The following TWSG1 variants were observed in gnomAD, a reference collection of about 807,000 sequenced individuals.
TWSG1 encodes twisted gastrulation BMP signaling modulator 1.
Under a neutral mutation model 23.0 loss-of-function variants are expected in TWSG1, and 15 were observed. That is an observed-to-expected ratio of 0.65 (90% CI 0.44 to 1.00). The LOEUF is 1.00. Among genes scored for constraint, TWSG1 ranks in the 50% least tolerant of loss-of-function variants. The pLI, the probability that TWSG1 is intolerant of heterozygous loss-of-function variation, is 0.00. For synonymous variants in TWSG1, 86 were observed against 92.8 expected (o/e 0.93, Z 0.42); for missense variants, 242 against 278.7 (o/e 0.87, Z 0.94).
chr18:9,344,281 T>A (rs1309181814), intron 2 of TWSG1, among the ~76,000 whole-genome samples: 1 of 152,208 alleles, frequency 6.6e-6, no homozygotes, highest in African/African-American at 2.4e-5. Context: ...ACTCTGTGTT[T>A]AACATTTTGA....
chr18:9,338,533 A>C (rs749370568), intron 2 of TWSG1, among the ~76,000 whole-genome samples: 1 of 152,204 alleles, frequency 6.6e-6, no homozygotes, highest in Non-Finnish European at 1.5e-5. Context: ...TGTTTTGTTG[A>C]TAATTCTAAT....
chr18:9,345,660 G>T (rs1164981134), intron 2 of TWSG1, among the ~76,000 whole-genome samples: 1 of 152,000 alleles, frequency 6.6e-6, no homozygotes, highest in Non-Finnish European at 1.5e-5. Flanking sequence ...ATGTAGTTTT[G>T]TAGTATGTTT....
intron 3 of TWSG1, among the ~76,000 whole-genome samples, chr18:9,393,247 T>G (rs1368468982): frequency 1.3e-5 from 2 of 152,232 alleles, no homozygotes; most frequent in East Asian, 3.8e-4. Flanking sequence ...GCTTATATAA[T>G]GCTCACAAAA....
intron 3 of TWSG1, among the ~76,000 whole-genome samples, chr18:9,364,753 C>T (rs898069856): frequency 6.6e-6 from 1 of 151,606 alleles, no homozygotes; most frequent in Admixed American, 6.6e-5. Context: ...GAGATAGTGC[C>T]ACTGCACTCC....
chr18:9,361,431 A>G (rs1343146625), intron 3 of TWSG1, among the ~76,000 whole-genome samples: 8 of 152,082 alleles, frequency 5.3e-5, no homozygotes, highest in Admixed American at 5.2e-4. Context: ...GAATTTAGGT[A>G]CTCCAAAACG....
At chr18:9,352,114 C>T (rs144419401) in intron 2 of TWSG1, among the ~76,000 whole-genome samples, 2 of 152,126 alleles carry the variant, frequency 1.3e-5, no homozygotes, top group Admixed American at 6.6e-5. Context: ...CTGGCAACCA[C>T]TGATTTGATT....
At chr18:9,375,235 A>T (rs565323673) in intron 3 of TWSG1, among the ~76,000 whole-genome samples, 1 of 151,944 alleles carries the variant, frequency 6.6e-6, no homozygotes, top group East Asian at 1.9e-4. Context: ...AAGAAAAAAA[A>T]ATCACATGAT....
chr18:9,381,881 A>G (rs2065307833), intron 3 of TWSG1, among the ~76,000 whole-genome samples: 1 of 152,190 alleles, frequency 6.6e-6, no homozygotes, highest in Non-Finnish European at 1.5e-5. Context: ...ACTAGCATCC[A>G]TACGGAAAAC....
intron 3 of TWSG1, among the ~76,000 whole-genome samples, chr18:9,364,953 T>C (rs1009651803): frequency 2.0e-5 from 3 of 152,240 alleles, no homozygotes; most frequent in African/African-American, 7.2e-5. Context: ...CATGAAATGA[T>C]GAATGATTTA....
intron 4 of TWSG1, among the ~76,000 whole-genome samples, chr18:9,397,226 C>CT (rs1192283481): frequency 2.0e-5 from 3 of 152,194 alleles, no homozygotes; most frequent in Non-Finnish European, 4.4e-5. Context: ...TGCTGCTTCT[C>CT]TAATAAAATA....
chr18:9,365,250 A>C (rs1198845640), intron 3 of TWSG1, among the ~76,000 whole-genome samples: 7 of 152,096 alleles, frequency 4.6e-5, no homozygotes, highest in African/African-American at 1.7e-4. Context: ...TAAACTCAGG[A>C]GGTCAAGGCT....
At chr18:9,392,588 T>C (rs1289671497) in intron 3 of TWSG1, among the ~76,000 whole-genome samples, 1 of 152,250 alleles carries the variant, frequency 6.6e-6, no homozygotes, top group African/African-American at 2.4e-5. Flanking sequence ...GTAACACTTT[T>C]CATTTCCTTC....
intron 2 of TWSG1, among the ~76,000 whole-genome samples, chr18:9,337,860 G>T (rs990491159): frequency 6.6e-6 from 1 of 152,208 alleles, no homozygotes; most frequent in Non-Finnish European, 1.5e-5. Flanking sequence ...GGTGGCTGTG[G>T]CTTAGGGTCT....
chr18:9,388,919 T>C (rs1159282690), intron 3 of TWSG1, among the ~76,000 whole-genome samples: 1 of 152,130 alleles, frequency 6.6e-6, no homozygotes, highest in Non-Finnish European at 1.5e-5. Context: ...ACTCAGTTGT[T>C]TACCTTCAAC....
intron 2 of TWSG1, among the ~76,000 whole-genome samples, chr18:9,340,457 TTGAAA>T (rs2040441856): frequency 6.6e-6 from 1 of 152,068 alleles, no homozygotes; most frequent in African/African-American, 2.4e-5. Context: ...TTATTGAGTG[TTGAAA>T]TGAAATGTGA....
At chr18:9,356,971 TAAAA>T (rs34315660) in intron 2 of TWSG1, among the ~76,000 whole-genome samples, 4 of 122,340 alleles carry the variant, frequency 3.3e-5, no homozygotes, top group Admixed American at 1.7e-4. Context: ...TTTATAAATC[TAAAA>T]AAAAAAAAAA....
At chr18:9,350,321 A>G (rs1049162658) in intron 2 of TWSG1, among the ~76,000 whole-genome samples, 27 of 152,184 alleles carry the variant, frequency 1.8e-4, no homozygotes, top group African/African-American at 6.3e-4. Context: ...TAATATATAA[A>G]TGGAGATTAA....
chr18:9,363,660 C>G (rs918078024), intron 3 of TWSG1, among the ~76,000 whole-genome samples: 1 of 152,150 alleles, frequency 6.6e-6, no homozygotes, highest in Non-Finnish European at 1.5e-5. Flanking sequence ...GAGTTTTGCT[C>G]TCTCGCCCAG....
Position 9,337,084 on chromosome 18 carries a change from A to T in TWSG1, c.-37-109A>T, listed in dbSNP as rs937933425. ...GCAAGACTCTAAAAAAGAAAGAAAA[A>T]GTATATTGACACAAACAATGAGTCT... is the stretch of plus-strand genomic sequence containing the variant. On this transcript the variant is annotated intron_variant, in intron 1 of 4. Coordinates refer to ENST00000262120, the MANE Select transcript of TWSG1 (RefSeq NM_020648.6). 4.0e-6 allele frequency: 4 copies of T among 998,084 alleles called. No homozygotes were observed. The African/African-American group carries it at 6.5e-5, about 16-fold the overall frequency. The allele number at this position is 998,084 out of a possible 1,614,324, so 61.8% of individuals were successfully genotyped here. A position where few individuals can be genotyped will look rare whatever the true frequency, so the allele number is the denominator to read the frequency against.
Sources: allele counts gnomAD v4.1 joint callset (sites outside exome capture counted in the v4.1 genomes callset), GRCh38; gene constraint gnomAD v4.1.1; transcripts MANE v1.5; gene names NCBI Gene and HGNC (gene_info 2026-07-23, HGNC 2026-07-21).